The following TPRG1 variants were observed in gnomAD, a reference collection of about 807,000 sequenced individuals.
TPRG1 encodes the protein tumor protein p63-regulated gene 1 protein.
Under a neutral mutation model 29.3 loss-of-function variants are expected in TPRG1, and 29 were observed. The observed-to-expected ratio is 0.99, with a 90% CI of 0.74 to 1.35. The LOEUF (loss-of-function observed/expected upper bound fraction) is 1.35, where lower values mean the gene tolerates loss of function less well. Ranked by LOEUF, TPRG1 falls within the 40% of genes most tolerant of loss-of-function variation. The probability of loss-of-function intolerance (pLI) is 0.00; values close to 1 mark genes in which losing one functional copy is unlikely to be tolerated. For missense variants in TPRG1, 327 were observed against 335.0 expected, an observed-to-expected ratio of 0.98 and a Z score of 0.19; for synonymous variants, 130 against 116.8, an observed-to-expected ratio of 1.11 and a Z score of -0.73.
intron 4 of TPRG1, among the ~76,000 whole-genome samples, chr3:189,282,225 A>AAAAAAAG (rs1717273149): frequency 6.6e-6 from 1 of 151,388 alleles, no homozygotes; most frequent in East Asian, 1.9e-4. Flanking sequence ...CAAAAAAAAA[A>AAAAAAAG]AAAAAAAGGC....
At chr3:189,048,723 A>T (rs1715121219) in intron 4 of TPRG1, among the ~76,000 whole-genome samples, 2 of 152,194 alleles carry the variant, frequency 1.3e-5, no homozygotes. Context: ...GATCGACTGC[A>T]AGAACAAACC....
intron 4 of TPRG1, among the ~76,000 whole-genome samples, chr3:189,071,024 C>T (rs1716781117): frequency 6.7e-6 from 1 of 148,656 alleles, no homozygotes; most frequent in Non-Finnish European, 1.5e-5. Flanking sequence ...TTACTTACCC[C>T]AGGAATTGCC....
At chr3:189,282,324 T>A (rs73889165) in intron 4 of TPRG1, among the ~76,000 whole-genome samples, 13,265 of 151,576 alleles carry the variant, frequency 0.088, 1,476 homozygotes, top group African/African-American at 0.26. Context: ...ATAAGTCATA[T>A]CTTGTAGGCG....
chr3:189,253,915 G>A (rs1742664763), intron 4 of TPRG1, among the ~76,000 whole-genome samples: 1 of 152,130 alleles, frequency 6.6e-6, no homozygotes, highest in Admixed American at 6.5e-5. Context: ...AAAAGTGTCT[G>A]TTTACATCCT....
intron 4 of TPRG1, among the ~76,000 whole-genome samples, chr3:189,030,676 A>T (rs556517460): frequency 6.6e-6 from 1 of 152,278 alleles, no homozygotes; most frequent in East Asian, 1.9e-4. Context: ...TGAAAGTGTT[A>T]CGCCAGTCAC....
chr3:189,289,079 A>T (rs1403153035), intron 4 of TPRG1, among the ~76,000 whole-genome samples: 2 of 152,232 alleles, frequency 1.3e-5, no homozygotes, highest in Non-Finnish European at 2.9e-5. Context: ...AGCTTGTCTG[A>T]TTGCTGAGTG....
chr3:189,244,359 C>T (rs1031925616), intron 4 of TPRG1, among the ~76,000 whole-genome samples: 17 of 151,946 alleles, frequency 1.1e-4, no homozygotes, highest in Non-Finnish European at 2.4e-4. Context: ...GTGGAGATTT[C>T]AGTGAGCCAA....
intron 1 of TPRG1, among the ~76,000 whole-genome samples, chr3:189,110,098 G>A (rs1720324643): frequency 6.6e-6 from 1 of 152,176 alleles, no homozygotes. Flanking sequence ...GATTTTGTGT[G>A]AATATAGGTT....
chr3:189,122,086 G>T (rs182865111), intron 1 of TPRG1, among the ~76,000 whole-genome samples: 201 of 152,074 alleles, frequency 1.3e-3, no homozygotes, highest in African/African-American at 4.6e-3. Context: ...GCTTTGAGTT[G>T]TCTATACATT....
intron 4 of TPRG1, among the ~76,000 whole-genome samples, chr3:189,044,242 A>C (rs898693688): frequency 1.3e-5 from 2 of 152,076 alleles, no homozygotes; most frequent in African/African-American, 4.8e-5. Flanking sequence ...GAGAGGTTAG[A>C]TGCAACATCA....
chr3:189,232,667 G>A (rs1738846837), intron 3 of TPRG1, among the ~76,000 whole-genome samples: 1 of 152,206 alleles, frequency 6.6e-6, no homozygotes, highest in Non-Finnish European at 1.5e-5. Context: ...GGGGGGAAAA[G>A]TGAACTCCAG....
Position 189,179,807 on chromosome 3 carries a change from T to C in TPRG1, c.-10+7676T>C, listed in dbSNP as rs1475965709. Among the ~76,000 whole-genome samples the C allele has an allele frequency of 2.0e-5, 3 of 152,122 alleles. No individual in the cohort carries two copies. The South Asian group carries it at 6.2e-4, about 31-fold the overall frequency. Reference sequence around the variant, plus strand: ...ACTAGGGAGGTTAATGTATGTCACATAAGAAAAAGGGGGAGTACCCAAGTT... The same window carrying C: ...ACTAGGGAGGTTAATGTATGTCACACAAGAAAAAGGGGGAGTACCCAAGTT... On this transcript the variant is annotated intron_variant, in intron 1 of 5. Transcript: ENST00000345063.
At chr3:189,042,131 C>A (rs902649298) in intron 4 of TPRG1, among the ~76,000 whole-genome samples, 1 of 151,592 alleles carries the variant, frequency 6.6e-6, no homozygotes, top group Non-Finnish European at 1.5e-5. Context: ...AAACATTGAA[C>A]AATGAAAATA....
chr3:189,132,758 G>T (rs1405323462), intron 3 of TPRG1: 3 of 152,178 alleles, frequency 2.0e-5, no homozygotes, highest in Non-Finnish European at 1.5e-5. Context: ...ATTTGAAGCT[G>T]CATGGAAATA....
intron 1 of TPRG1, among the ~76,000 whole-genome samples, chr3:189,177,405 TAC>T (rs1729620396): frequency 6.6e-6 from 1 of 151,782 alleles, no homozygotes; most frequent in East Asian, 1.9e-4. Flanking sequence ...TATGTATGTA[TAC>T]GCATATATAT....
chr3:189,245,175 G>T (rs1741193019), intron 4 of TPRG1, among the ~76,000 whole-genome samples: 1 of 152,098 alleles, frequency 6.6e-6, no homozygotes, highest in African/African-American at 2.4e-5. Context: ...GCCTGCCTTG[G>T]CCTCTCAAAG....
intron 1 of TPRG1, among the ~76,000 whole-genome samples, chr3:189,109,847 TC>T (rs953918697): frequency 6.6e-6 from 1 of 152,162 alleles, no homozygotes; most frequent in African/African-American, 2.4e-5. Flanking sequence ...AATCCCTCTC[TC>T]CTGGCAACCA....
At chr3:189,006,724 T>C (rs1185535551) in intron 3 of TPRG1, among the ~76,000 whole-genome samples, 1 of 152,060 alleles carries the variant, frequency 6.6e-6, no homozygotes, top group Non-Finnish European at 1.5e-5. Flanking sequence ...AAAAAAAATG[T>C]AGTAATTTCT....
chr3:189,068,096 A>G (rs1259896062), intron 4 of TPRG1, among the ~76,000 whole-genome samples: 4 of 152,216 alleles, frequency 2.6e-5, no homozygotes, highest in Non-Finnish European at 4.4e-5. Context: ...CAGCAGAGAA[A>G]TGTAATTCAA....
Sources: gnomAD v4.1 joint callset for allele counts (sites outside exome capture counted in the v4.1 genomes callset) on GRCh38, gnomAD v4.1.1 for gene constraint, MANE v1.5 for transcripts, NCBI Gene and HGNC (gene_info 2026-07-23, HGNC 2026-07-21) for gene names.